ADGRB3: variants seen among roughly 807,000 people sequenced by gnomAD.
The protein encoded by ADGRB3 is adhesion G protein-coupled receptor B3, also known as brain-specific angiogenesis inhibitor 3.
ADGRB3 carries 37 observed loss-of-function variants against 193.4 expected under a neutral mutation model. The ratio of observed to expected loss-of-function variants is 0.19; its 90% CI spans 0.15 to 0.25. The LOEUF is 0.25. Among genes scored for constraint, ADGRB3 ranks in the 10% least tolerant of loss-of-function variants. The pLI, the probability that ADGRB3 is intolerant of heterozygous loss-of-function variation, is 1.00. For synonymous variants in ADGRB3, 690 were observed against 644.2 expected, an observed-to-expected ratio of 1.07 and a Z score of -1.08; for missense variants, 1,637 against 1,852.9, an observed-to-expected ratio of 0.88 and a Z score of 2.14.
At chr6:69,002,740 A>G (rs1769617782) in intron 11 of ADGRB3, among the ~76,000 whole-genome samples, 1 of 152,220 alleles carries the variant, frequency 6.6e-6, no homozygotes, top group Admixed American at 6.5e-5. Flanking sequence ...ATATAATGAT[A>G]GGCCTCATCT....
chr6:68,683,991 G>C (rs985783197), intron 3 of ADGRB3, among the ~76,000 whole-genome samples: 1 of 151,952 alleles, frequency 6.6e-6, no homozygotes. Flanking sequence ...CATGACTTCT[G>C]TCATTTAGAA....
chr6:68,871,581 C>A (rs1765456742), intron 3 of ADGRB3, among the ~76,000 whole-genome samples: 2 of 151,922 alleles, frequency 1.3e-5, no homozygotes, highest in South Asian at 4.1e-4. Context: ...CATGTGTGTT[C>A]CCAAATGTCC....
intron 10 of ADGRB3, among the ~76,000 whole-genome samples, chr6:68,979,140 A>G (rs1398807909): frequency 1.0e-5 from 1 of 99,084 alleles, no homozygotes; most frequent in African/African-American, 4.6e-5. Context: ...CTTCATTGCT[A>G]TAGTCCTAAC....
At chr6:68,636,513 C>T (rs982232138) in intron 1 of ADGRB3, among the ~76,000 whole-genome samples, 1 of 151,422 alleles carries the variant, frequency 6.6e-6, no homozygotes, top group Admixed American at 6.6e-5. Flanking sequence ...CAGCCTTTGC[C>T]CCCGCCCCCA....
rs148344769 is a variant in ADGRB3, at chr6:68,936,999, G to A, written c.1030+319G>A. Among the ~76,000 whole-genome samples the A allele has an allele frequency of 9.2e-5, 14 of 152,152 alleles. No homozygotes were observed. The East Asian group carries it at 2.5e-3, about 27-fold the overall frequency. ...TGAAAATGTTCAATTGAATGCTTGAGGAAAAATGTAATCTGCCTACATACT... is the reference window on the plus strand; with the variant it reads ...TGAAAATGTTCAATTGAATGCTTGAAGAAAAATGTAATCTGCCTACATACT... On this transcript the variant is annotated intron_variant, in intron 5 of 31. Coordinates refer to ENST00000370598, the MANE Select transcript of ADGRB3 (RefSeq NM_001704.3).
intron 26 of ADGRB3, among the ~76,000 whole-genome samples, chr6:69,346,933 C>T (rs1378518458): frequency 6.6e-6 from 1 of 152,110 alleles, no homozygotes; most frequent in East Asian, 1.9e-4. Flanking sequence ...GCACTGTTCA[C>T]AATAGCAAAG....
At chr6:69,098,969 A>G (rs1461889765) in intron 17 of ADGRB3, among the ~76,000 whole-genome samples, 3 of 152,220 alleles carry the variant, frequency 2.0e-5, no homozygotes, top group Non-Finnish European at 2.9e-5. Context: ...CTTAATTCTT[A>G]GTTAAAATTA....
intron 3 of ADGRB3, among the ~76,000 whole-genome samples, chr6:68,815,239 T>C (rs755949251): frequency 6.6e-6 from 1 of 152,162 alleles, no homozygotes; most frequent in Non-Finnish European, 1.5e-5. Context: ...GGAGTTTAAA[T>C]AAGAATTTAA....
intron 3 of ADGRB3, among the ~76,000 whole-genome samples, chr6:68,812,560 G>C (rs1767532984): frequency 6.6e-6 from 1 of 152,116 alleles, no homozygotes; most frequent in Non-Finnish European, 1.5e-5. Flanking sequence ...GACTGTACTA[G>C]ACAGTGATAT....
intron 3 of ADGRB3, among the ~76,000 whole-genome samples, chr6:68,650,902 A>G (rs576012741): frequency 6.6e-5 from 10 of 151,948 alleles, no homozygotes; most frequent in Non-Finnish European, 1.3e-4. Context: ...CAGCTTTATG[A>G]TTTTTTTTGA....
chr6:69,216,217 A>T (rs1435509978), intron 17 of ADGRB3, among the ~76,000 whole-genome samples: 3 of 152,162 alleles, frequency 2.0e-5, no homozygotes, highest in African/African-American at 4.8e-5. Flanking sequence ...TAAAGAATGT[A>T]CTTGATTGAA....
At chr6:69,217,334 C>A (rs1765790433) in intron 17 of ADGRB3, among the ~76,000 whole-genome samples, 1 of 152,028 alleles carries the variant, frequency 6.6e-6, no homozygotes, top group Non-Finnish European at 1.5e-5. Context: ...GCCCTTTTTA[C>A]CCCAAGCCTC....
At chr6:68,692,612 C>T (rs1765094065) in intron 3 of ADGRB3, among the ~76,000 whole-genome samples, 1 of 151,768 alleles carries the variant, frequency 6.6e-6, no homozygotes, top group Non-Finnish European at 1.5e-5. Context: ...CCATGAAATA[C>T]ACATTTACTA....
intron 3 of ADGRB3, among the ~76,000 whole-genome samples, chr6:68,735,278 G>A (rs188709546): frequency 6.2e-4 from 94 of 151,860 alleles, no homozygotes; most frequent in African/African-American, 2.1e-3. Flanking sequence ...TAAGACATAC[G>A]TGAAAAAATA....
intron 20 of ADGRB3, among the ~76,000 whole-genome samples, chr6:69,318,761 G>C (rs144930717): frequency 0.016 from 2,347 of 150,688 alleles, 53 homozygotes; most frequent in African/African-American, 0.054. Flanking sequence ...CATTTTATCT[G>C]TTATTAGTTT....
chr6:69,368,445 C>G (rs1004796883), intron 29 of ADGRB3, among the ~76,000 whole-genome samples: 1 of 151,942 alleles, frequency 6.6e-6, no homozygotes, highest in African/African-American at 2.4e-5. Flanking sequence ...AAACGAGGGA[C>G]AGAAAGGAAG....
intron 6 of ADGRB3, among the ~76,000 whole-genome samples, chr6:68,945,600 G>C (rs1386643911): frequency 6.6e-6 from 1 of 151,996 alleles, no homozygotes; most frequent in East Asian, 1.9e-4. Flanking sequence ...AGACAATATG[G>C]AGAAATAAAA....
intron 17 of ADGRB3, among the ~76,000 whole-genome samples, chr6:69,195,240 A>G (rs1167155038): frequency 6.6e-6 from 1 of 152,092 alleles, no homozygotes; most frequent in East Asian, 1.9e-4. Flanking sequence ...AGTTTAAGAC[A>G]CTGCATGATC....
At chr6:68,927,567 A>G (rs901496449) in intron 3 of ADGRB3, among the ~76,000 whole-genome samples, 2 of 152,160 alleles carry the variant, frequency 1.3e-5, no homozygotes, top group South Asian at 2.1e-4. Context: ...TATCTGTTAA[A>G]TCTTACTGTT....
Sources: allele counts gnomAD v4.1 joint callset (sites outside exome capture counted in the v4.1 genomes callset), GRCh38; gene constraint gnomAD v4.1.1; transcripts MANE v1.5; gene names NCBI Gene and HGNC (gene_info 2026-07-23, HGNC 2026-07-21).